The following KCNH7 variants were observed in gnomAD, a reference collection of about 807,000 sequenced individuals.
KCNH7 encodes potassium voltage-gated channel subfamily H member 7, also known as voltage-gated inwardly rectifying potassium channel KCNH7.
Under a neutral mutation model 120.8 loss-of-function variants are expected in KCNH7, and 49 were observed. That is an observed-to-expected ratio of 0.41 (90% CI 0.32 to 0.51). KCNH7 has a LOEUF of 0.51. Ranked by LOEUF, KCNH7 falls within the 20% of genes least tolerant of loss-of-function variation. The pLI is 0.38. For synonymous variants in KCNH7, 547 were observed against 516.1 expected (o/e 1.06, Z -0.81); for missense variants, 1,097 against 1,446.6 (o/e 0.76, Z 3.92).
At chr2:162,575,997 T>G (rs925564295) in intron 2 of KCNH7, among the ~76,000 whole-genome samples, 3 of 152,024 alleles carry the variant, frequency 2.0e-5, no homozygotes, top group Non-Finnish European at 4.4e-5. Context: ...ATATACAACT[T>G]TGAGAACCAC....
chr2:162,510,790 C>T (rs7609231), intron 5 of KCNH7, among the ~76,000 whole-genome samples: 1,936 of 151,646 alleles, frequency 0.013, 50 homozygotes, highest in African/African-American at 0.043. Flanking sequence ...GTTCCTGTAC[C>T]TAATTAGCAA....
At chr2:162,700,104 T>C (rs1169749830) in intron 2 of KCNH7, among the ~76,000 whole-genome samples, 1 of 152,170 alleles carries the variant, frequency 6.6e-6, no homozygotes, top group East Asian at 1.9e-4. Context: ...TTCGTGTATT[T>C]CCTTTCCTTT....
At chr2:162,817,854 T>C (rs537248978) in intron 2 of KCNH7, among the ~76,000 whole-genome samples, 16 of 152,236 alleles carry the variant, frequency 1.1e-4, no homozygotes, top group African/African-American at 3.1e-4. Context: ...TACATAAGCC[T>C]CTTACATCTG....
At chr2:162,372,824 C>T (rs754407340) in intron 15 of KCNH7, among the ~76,000 whole-genome samples, 8 of 152,126 alleles carry the variant, frequency 5.3e-5, no homozygotes, top group Non-Finnish European at 8.8e-5. Context: ...GAAAGCTAGA[C>T]TACTTACATT....
At chr2:162,703,712 A>G (rs571773454) in intron 2 of KCNH7, among the ~76,000 whole-genome samples, 2 of 152,144 alleles carry the variant, frequency 1.3e-5, no homozygotes, top group Non-Finnish European at 2.9e-5. Context: ...AAATTTAACT[A>G]CTTCACAATT....
At chr2:162,559,013 T>C (rs1159325391) in intron 2 of KCNH7, among the ~76,000 whole-genome samples, 3 of 125,980 alleles carry the variant, frequency 2.4e-5, no homozygotes, top group African/African-American at 3.2e-5. Flanking sequence ...CAAGATTGCG[T>C]CACTGCAGTC....
At chr2:162,634,743 A>G (rs1376900032) in intron 2 of KCNH7, among the ~76,000 whole-genome samples, 1 of 152,048 alleles carries the variant, frequency 6.6e-6, no homozygotes, top group Non-Finnish European at 1.5e-5. Flanking sequence ...AGGGAATAGG[A>G]AGCAAAAGAA....
intron 2 of KCNH7, among the ~76,000 whole-genome samples, chr2:162,647,727 T>C (rs866810783): frequency 3.7e-4 from 56 of 152,286 alleles, no homozygotes; most frequent in South Asian, 4.1e-4. Context: ...CCCAGCCACA[T>C]TGAACTGAGT....
intron 9 of KCNH7, among the ~76,000 whole-genome samples, chr2:162,407,163 G>A (rs377268981): frequency 3.3e-5 from 5 of 151,946 alleles, no homozygotes; most frequent in Admixed American, 6.6e-5. Flanking sequence ...ATTTATCAGC[G>A]TTGAGAGAAT....
Position 162,371,961 on chromosome 2 carries a change from C to T in KCNH7, c.3459G>A (p.Glu1153=), listed in dbSNP as rs1685965140. ...AAGTTTTTCTTTGCCGCAGGTGAAG[C>T]TCTAAAGAGAGATCACTGTCTTGTT... ...LLKQDSDLSL[E]LHLRQRKTYV... The change falls in exon 16 of 16, where the codon GAG becomes GAA. Residue 1153 remains glutamate (E), a synonymous_variant. Transcript: ENST00000332142. The T allele has an allele frequency of 1.2e-6, 2 of 1,613,854 alleles. No homozygotes were observed. The highest frequency in any genetic ancestry group is 1.7e-6 in the Non-Finnish European group (2 of 1,179,874).
At chr2:162,381,944 C>T (rs1466321859) in intron 13 of KCNH7, among the ~76,000 whole-genome samples, 1 of 152,026 alleles carries the variant, frequency 6.6e-6, no homozygotes, top group Non-Finnish European at 1.5e-5. Context: ...TCCGGAATAC[C>T]TATATAAATG....
At chr2:162,627,671 G>A (rs1389619997) in intron 2 of KCNH7, among the ~76,000 whole-genome samples, 1 of 152,112 alleles carries the variant, frequency 6.6e-6, no homozygotes, top group Admixed American at 6.6e-5. Flanking sequence ...AATCACTCAG[G>A]AACTTGTGGT....
In KCNH7 at chr2:162,517,923, T is replaced by C. The variant is rs1187227063; in HGVS notation, c.699A>G (p.Gly233=). ...TTTTGGGAGAGGAATGGTCAAGAGG[T>C]CCGGATATATTCACCAAGGGAGAAC... ...SKCSPLVNIS[G]PLDHSSPKRQ... is the part of the protein sequence containing the mutation. The change falls in exon 4 of 16, where the codon GGA becomes GGG. Residue 233 remains glycine, a synonymous_variant. Transcript: ENST00000332142. The C allele has an allele frequency of 6.2e-7, 1 of 1,612,164 alleles. No individual in the cohort carries two copies. The highest frequency in any genetic ancestry group is 1.3e-5 in the African/African-American group (1 of 74,696).
intron 2 of KCNH7, among the ~76,000 whole-genome samples, chr2:162,708,628 G>A (rs1335283426): frequency 1.3e-5 from 2 of 152,018 alleles, no homozygotes; most frequent in Admixed American, 6.6e-5. Flanking sequence ...GAGGGCTTCT[G>A]GGAGGATTAA....
At chr2:162,618,761 C>T (rs1022977829) in intron 2 of KCNH7, among the ~76,000 whole-genome samples, 9 of 152,022 alleles carry the variant, frequency 5.9e-5, no homozygotes, top group Non-Finnish European at 2.9e-5. Context: ...CTCTGATTTT[C>T]GATATACACT....
chr2:162,377,834 A>C (rs1686263941), intron 14 of KCNH7, among the ~76,000 whole-genome samples: 1 of 152,204 alleles, frequency 6.6e-6, no homozygotes, highest in African/African-American at 2.4e-5. Flanking sequence ...AAGAGATTTA[A>C]TTGCATTTTG....
At chr2:162,683,715 G>A (rs1685788894) in intron 2 of KCNH7, among the ~76,000 whole-genome samples, 5 of 151,644 alleles carry the variant, frequency 3.3e-5, no homozygotes, top group Non-Finnish European at 5.9e-5. Flanking sequence ...TACTTGTTGG[G>A]TGCCTGGAAA....
At chr2:162,814,845 T>C (rs563091983) in intron 2 of KCNH7, among the ~76,000 whole-genome samples, 1 of 152,316 alleles carries the variant, frequency 6.6e-6, no homozygotes, top group South Asian at 2.1e-4. Flanking sequence ...TTGTTACTGC[T>C]TTTTAAATAT....
At chr2:162,538,641 T>C (rs1376597928) in intron 2 of KCNH7, among the ~76,000 whole-genome samples, 1 of 152,064 alleles carries the variant, frequency 6.6e-6, no homozygotes, top group East Asian at 1.9e-4. Flanking sequence ...AGAAAACTCT[T>C]TCCTTTCTTC....
Sources: gnomAD v4.1 joint callset for allele counts (sites outside exome capture counted in the v4.1 genomes callset) on GRCh38, gnomAD v4.1.1 for gene constraint, MANE v1.5 for transcripts, NCBI Gene and HGNC (gene_info 2026-07-23, HGNC 2026-07-21) for gene names.